Variants in MN1 observed in about 807,000 individuals in gnomAD.
The protein encoded by MN1 is transcriptional activator MN1.
A neutral mutation model predicts 86.9 loss-of-function variants in MN1; 19 were observed. The observed-to-expected ratio is 0.22, with a 90% CI of 0.15 to 0.32. MN1 has a LOEUF of 0.32. MN1 is among the 10% of genes least tolerant of loss of function. The pLI is 1.00. For synonymous variants in MN1, 928 were observed against 849.6 expected, an observed-to-expected ratio of 1.09 and a Z score of -1.60; for missense variants, 1,841 against 1,862.0, an observed-to-expected ratio of 0.99 and a Z score of 0.21.
rs45606639 is a variant in MN1, at chr22:27,775,315, G to T, written c.3781+21448C>A. On this transcript the variant is annotated intron_variant, in intron 1 of 1. Transcript: ENST00000302326. Reference sequence around the variant, plus strand: ...TGTATGTGAGTCAGGCTTCTTCTCTGACCAGACTCCAGAGGGTGGGAGTGG... The same window carrying T: ...TGTATGTGAGTCAGGCTTCTTCTCTTACCAGACTCCAGAGGGTGGGAGTGG... 3.4e-3 allele frequency among the ~76,000 whole-genome samples: 511 copies of T among 152,266 alleles called. 4 individuals carry two copies. The highest frequency in any genetic ancestry group is 0.012 in the African/African-American group (494 of 41,554).
rs747015092 is a variant in MN1 at position 27,750,932 on chromosome 22, C to T, written c.3946G>A (p.Val1316Met). Residue 1316 changes from valine to methionine, a missense_variant, in exon 2 of 2, where the codon GTG (valine) becomes ATG (methionine). Val to Met is a conservative substitution (Grantham distance 21). Transcript: ENST00000302326. ...SDISNRFGTF[V>M]AALT ...CTTGTCATTCAAGTTAGGGCAGCCA[C>T]GAATGTCCCAAATCTGTTGGAGATG... The T allele has an allele frequency of 1.2e-6, 2 of 1,600,384 alleles. No homozygotes were observed. The highest frequency in any genetic ancestry group is 1.3e-5 in the African/African-American group (1 of 74,716).
intron 1 of MN1, among the ~76,000 whole-genome samples, chr22:27,755,700 T>C (rs1854850483): frequency 6.6e-6 from 1 of 152,152 alleles, no homozygotes; most frequent in Non-Finnish European, 1.5e-5. Context: ...AGAGGTTCAG[T>C]CTGCCCCCTG....
In MN1 at chr22:27,800,810, T is replaced by A. The variant is rs972858244; in HGVS notation, c.-267A>T. 4.9e-6 allele frequency: 2 copies of A among 410,396 alleles called. No individual in the cohort carries two copies. The highest frequency in any genetic ancestry group is 8.8e-6 in the Non-Finnish European group (2 of 226,740). The allele number at this position is 410,396 out of a possible 1,614,324, so 25.4% of individuals were successfully genotyped here. A position where few individuals can be genotyped will look rare whatever the true frequency, so the allele number is the denominator to read the frequency against. ...TCTAGGAGCCGTGTTGGGGGGCCCATGCCCCGGGCGGTTGTCACAGCCGCG... is the reference window on the plus strand; with the variant it reads ...TCTAGGAGCCGTGTTGGGGGGCCCAAGCCCCGGGCGGTTGTCACAGCCGCG... On this transcript the variant is annotated 5_prime_UTR_variant, in exon 1 of 2. An upstream start codon of the reference 5' UTR is lost. Transcript: ENST00000302326.
chr22:27,755,823 C>CA (rs1452809943), intron 1 of MN1, among the ~76,000 whole-genome samples: 3 of 151,850 alleles, frequency 2.0e-5, no homozygotes. Context: ...GAGCAGGTGC[C>CA]AAAAAAAGCA....
At chr22:27,759,821 C>T (rs1216570742) in intron 1 of MN1, among the ~76,000 whole-genome samples, 2 of 152,192 alleles carry the variant, frequency 1.3e-5, no homozygotes, top group Non-Finnish European at 2.9e-5. Flanking sequence ...GGGCAAGTCA[C>T]TCTCCCTCTC....
chr22:27,799,740 GC>G lies in MN1; in HGVS notation c.803del (p.Gly268AlafsTer70). The G allele has an allele frequency of 1.3e-6, 2 of 1,582,848 alleles. No individual in the cohort carries two copies. Among genetic ancestry groups the G allele is most frequent in the Non-Finnish European group, 1.7e-6 (2 of 1,164,816 alleles). On this transcript the variant is annotated frameshift_variant, in exon 1 of 2. Coordinates refer to ENST00000302326, the MANE Select transcript of MN1 (RefSeq NM_002430.3). LOFTEE classifies it high-confidence loss of function. ...GCATGGCCGAGGCGCCCGGGAAAGC[GC>G]CCCCAGGAACCTGGCGACCCGCTGC... is the stretch of plus-strand genomic sequence containing the variant. ...HYAAGRQVPG[G>X]AFPGASAMPR...
intron 1 of MN1, among the ~76,000 whole-genome samples, chr22:27,783,368 G>A (rs1282284665): frequency 6.6e-6 from 1 of 152,086 alleles, no homozygotes; most frequent in Non-Finnish European, 1.5e-5. Flanking sequence ...CTGACCTCAG[G>A]TGATCCACTT....
intron 1 of MN1, among the ~76,000 whole-genome samples, chr22:27,756,373 C>T (rs963230855): frequency 6.6e-6 from 1 of 152,084 alleles, no homozygotes; most frequent in Admixed American, 6.5e-5. Flanking sequence ...GCTCAGGCGT[C>T]GTGAGCCGGG....
intron 1 of MN1, among the ~76,000 whole-genome samples, chr22:27,779,557 A>G (rs1243336745): frequency 1.3e-5 from 2 of 152,190 alleles, no homozygotes; most frequent in Non-Finnish European, 2.9e-5. Flanking sequence ...GGTTCTAAGC[A>G]CGGGCTCAGA....
At chr22:27,779,476 A>G (rs1341320921) in intron 1 of MN1, among the ~76,000 whole-genome samples, 1 of 152,196 alleles carries the variant, frequency 6.6e-6, no homozygotes, top group Non-Finnish European at 1.5e-5. Context: ...AGGAGGCAAG[A>G]CACAGAGTTG....
At chr22:27,756,625 T>A (rs1328137315) in intron 1 of MN1, among the ~76,000 whole-genome samples, 1 of 151,846 alleles carries the variant, frequency 6.6e-6, no homozygotes, top group African/African-American at 2.4e-5. Flanking sequence ...ACGGGAGGAG[T>A]AAGAGAACCT....
At position 27,800,619 on chromosome 22, in the gene MN1, G is replaced by C; in HGVS notation, c.-76C>G. 3.1e-6 allele frequency: 5 copies of C among 1,599,382 alleles called. No homozygotes were observed. The highest frequency in any genetic ancestry group is 3.8e-4 in the Middle Eastern group (2 of 5,290). On this transcript the variant is annotated 5_prime_UTR_variant, in exon 1 of 2. Transcript: ENST00000302326. ...GCGGCGCGCCTCCGGCCAGCTACTC[G>C]TTCCAGCCCAGGATTGGGCGCTCCG...
At chr22:27,754,855 C>T (rs562814998) in intron 1 of MN1, among the ~76,000 whole-genome samples, 1 of 152,218 alleles carries the variant, frequency 6.6e-6, no homozygotes, top group Non-Finnish European at 1.5e-5. Context: ...CAGCGCCCAG[C>T]ACTGGCAGAC....
In MN1 at chr22:27,756,028, G is replaced by A. The variant is rs542369798; in HGVS notation, c.3782-4932C>T. 3.3e-5 allele frequency among the ~76,000 whole-genome samples: 5 copies of A among 152,296 alleles called. No homozygotes were observed. The East Asian group carries it at 5.8e-4, about 18-fold the overall frequency. On this transcript the variant is annotated intron_variant, in intron 1 of 1. Coordinates refer to ENST00000302326, the MANE Select transcript of MN1 (RefSeq NM_002430.3). ...TTAAGTGAAATGATCCATGCAAAAC[G>A]CTTAGCACGTGGGGCGCTCCTGCCA...
intron 1 of MN1, among the ~76,000 whole-genome samples, chr22:27,790,773 G>A (rs1468147144): frequency 1.3e-5 from 2 of 152,146 alleles, no homozygotes; most frequent in African/African-American, 4.8e-5. Flanking sequence ...CTCAGCCAGA[G>A]AGACACCTCC....
chr22:27,753,705 C>A (rs7289065), intron 1 of MN1, among the ~76,000 whole-genome samples: 16,987 of 152,190 alleles, frequency 0.11, 1,078 homozygotes, highest in African/African-American at 0.16. Context: ...CCACCCAGGG[C>A]TTCCTGGGGA....
Position 27,792,229 on chromosome 22 carries a change from C to T in MN1, c.3781+4534G>A, listed in dbSNP as rs149671216. Among the ~76,000 whole-genome samples, 23 of 150,380 alleles carry T rather than the reference C, an allele frequency of 1.5e-4. No homozygotes were observed. In the East Asian group the frequency reaches 4.1e-3, roughly 27 times the overall value. ...GTACATTTCAATAGTTCCTTATTTC[C>T]GGTCTGAAGGGGCCTCACAAGAAAT... On this transcript the variant is annotated intron_variant, in intron 1 of 1. Transcript: ENST00000302326.
At chr22:27,764,036 G>A (rs1470886344) in intron 1 of MN1, among the ~76,000 whole-genome samples, 1 of 152,142 alleles carries the variant, frequency 6.6e-6, no homozygotes, top group Non-Finnish European at 1.5e-5. Context: ...TTTAGGGATG[G>A]GTGTGAAACG....
chr22:27,766,615 G>C (rs1350934728), intron 1 of MN1, among the ~76,000 whole-genome samples: 1 of 152,184 alleles, frequency 6.6e-6, no homozygotes, highest in Non-Finnish European at 1.5e-5. Flanking sequence ...GCAGGATTAA[G>C]ACCCAGTGCC....
Sources: allele counts gnomAD v4.1 joint callset (sites outside exome capture counted in the v4.1 genomes callset), GRCh38; gene constraint gnomAD v4.1.1; transcripts MANE v1.5; gene names NCBI Gene and HGNC (gene_info 2026-07-23, HGNC 2026-07-21).